The following CDC73 variants were observed in gnomAD, a reference collection of about 807,000 sequenced individuals.
CDC73 encodes parafibromin.
In CDC73, 21 loss-of-function variants were observed where a neutral mutation model predicts 83.7. That is an observed-to-expected ratio of 0.25 (90% CI 0.18 to 0.36). CDC73 has a LOEUF of 0.36. CDC73 is among the 10% of genes least tolerant of loss of function. The pLI, the probability that CDC73 is intolerant of heterozygous loss-of-function variation, is 1.00. For synonymous variants in CDC73, 224 were observed against 212.9 expected, an observed-to-expected ratio of 1.05 and a Z score of -0.45; for missense variants, 342 against 653.3, an observed-to-expected ratio of 0.52 and a Z score of 5.19.
chr1:193,241,211 G>A (rs1677852310), intron 15 of CDC73, among the ~76,000 whole-genome samples: 1 of 152,098 alleles, frequency 6.6e-6, no homozygotes, highest in Admixed American at 6.5e-5. Flanking sequence ...ATTTTGATTG[G>A]GTGGGGCACT....
chr1:193,153,961 A>C (rs1163067617), intron 10 of CDC73, among the ~76,000 whole-genome samples: 1 of 152,194 alleles, frequency 6.6e-6, no homozygotes, highest in African/African-American at 2.4e-5. Flanking sequence ...CAAGGAGGCC[A>C]GTGTTGCTAG....
chr1:193,209,907 T>G (rs1392388106), intron 11 of CDC73, among the ~76,000 whole-genome samples: 2 of 152,068 alleles, frequency 1.3e-5, no homozygotes, highest in African/African-American at 4.8e-5. Flanking sequence ...TCCATCTTTG[T>G]TTTTTTGTAG....
chr1:193,170,724 G>A (rs1487120700), intron 10 of CDC73, among the ~76,000 whole-genome samples: 1 of 152,102 alleles, frequency 6.6e-6, no homozygotes, highest in Non-Finnish European at 1.5e-5. Flanking sequence ...TATTTTGTTG[G>A]TTTTCTTTTT....
rs955328690 is a variant in CDC73, at chr1:193,251,478, G to T, written c.*766G>T. 8 of 231,926 alleles carry T rather than the reference G, an allele frequency of 3.4e-5. No homozygotes were observed. The highest frequency in any genetic ancestry group is 4.4e-5 in the African/African-American group (2 of 45,252). The allele number at this position is 231,926 out of a possible 1,614,324, so 14.4% of individuals were successfully genotyped here. A position where few individuals can be genotyped will look rare whatever the true frequency, so the allele number is the denominator to read the frequency against. The stretch of plus-strand genomic sequence containing the variant: ...GGAGCCAGAGTATGATTTGGGGGAA[G>T]AATATGTATCAGCCCTATTGCAGTA... On this transcript the variant is annotated 3_prime_UTR_variant, in exon 17 of 17. Transcript: ENST00000367435.
At chr1:193,209,358 C>T (rs1256431487) in intron 11 of CDC73, among the ~76,000 whole-genome samples, 2 of 152,128 alleles carry the variant, frequency 1.3e-5, no homozygotes, top group African/African-American at 4.8e-5. Flanking sequence ...TAATTAAGGA[C>T]TTTAGCATGC....
intron 3 of CDC73, among the ~76,000 whole-genome samples, chr1:193,133,921 T>A (rs1162278253): frequency 6.6e-6 from 1 of 151,254 alleles, no homozygotes; most frequent in Admixed American, 6.6e-5. Flanking sequence ...TTTTTTTTTT[T>A]AACCTGATAG....
rs1441603855 is a variant in CDC73, at chr1:193,123,226, GTATT to G, written c.131+909_131+912del. Among the ~76,000 whole-genome samples, 5 of 152,098 alleles carry G rather than the reference GTATT, an allele frequency of 3.3e-5. No individual in the cohort carries two copies. In the South Asian group the frequency reaches 6.2e-4, roughly 19 times the overall value. Reference sequence around the variant, plus strand: ...CTAGGGAAATTTAGTTTGTTGGTTGGTATTTATTTATTTATTTTTGAGAGGGAGT... The same window carrying G: ...CTAGGGAAATTTAGTTTGTTGGTTGGTATTTATTTATTTTTGAGAGGGAGT... On this transcript the variant is annotated intron_variant, in intron 1 of 16. Coordinates refer to ENST00000367435, the MANE Select transcript of CDC73 (RefSeq NM_024529.5).
Position 193,252,620 on chromosome 1 carries a change from G to A in CDC73, c.*1908G>A, listed in dbSNP as rs190426825. Reference sequence around the variant, plus strand: ...GGAACATTAGGAAAAGGACAAATAGGCTATAACCATCTATCTTAAAATCAG... The same window carrying A: ...GGAACATTAGGAAAAGGACAAATAGACTATAACCATCTATCTTAAAATCAG... On this transcript the variant is annotated 3_prime_UTR_variant, in exon 17 of 17. Coordinates refer to ENST00000367435, the MANE Select transcript of CDC73 (RefSeq NM_024529.5). 2.5e-3 allele frequency: 584 copies of A among 231,316 alleles called. 5 individuals are homozygous for A. The highest frequency in any genetic ancestry group is 0.012 in the African/African-American group (543 of 45,344). The allele number at this position is 231,316 out of a possible 1,614,324, so 14.3% of individuals were successfully genotyped here.
At chr1:193,236,401 T>C (rs778320092) in intron 15 of CDC73, 45 bp downstream of exon 15, 2 of 1,211,326 alleles carry the variant, frequency 1.7e-6, no homozygotes, top group Admixed American at 1.7e-5. Context: ...AGAAATGTTC[T>C]CACTTTATTT....
chr1:193,221,261 C>T lies in CDC73; in HGVS notation c.1154+8784C>T, dbSNP rs16835212. Among the ~76,000 whole-genome samples the T allele has an allele frequency of 4.0e-3, 603 of 152,130 alleles. 18 individuals carry two copies. The highest frequency in any genetic ancestry group is 0.03 in the Admixed American group (465 of 15,278). On this transcript the variant is annotated intron_variant, in intron 13 of 16. Transcript: ENST00000367435. ...TTTATGTATGTGTGTTTGTGCAACC[C>T]GTGAATTAATTTATTGCATTTATCT...
chr1:193,200,109 T>C (rs1353608027), intron 10 of CDC73, among the ~76,000 whole-genome samples: 1 of 149,948 alleles, frequency 6.7e-6, no homozygotes, highest in Non-Finnish European at 1.5e-5. Flanking sequence ...GGCATGGTGG[T>C]GCGTGCCTGG....
chr1:193,163,666 C>A (rs1026516139), intron 10 of CDC73, among the ~76,000 whole-genome samples: 2 of 152,050 alleles, frequency 1.3e-5, no homozygotes, highest in Non-Finnish European at 2.9e-5. Context: ...TTTGGGGCAC[C>A]TGTGATAGAC....
chr1:193,145,860 A>G (rs569938581), intron 7 of CDC73, among the ~76,000 whole-genome samples: 36 of 152,336 alleles, frequency 2.4e-4, no homozygotes, highest in Middle Eastern at 6.8e-3. Context: ...AAACTAGGCA[A>G]GTGCTAAACA....
chr1:193,181,755 A>G (rs1326215300), intron 10 of CDC73: 2 of 519,796 alleles, frequency 3.8e-6, no homozygotes, highest in Non-Finnish European at 6.7e-6. Context: ...ATCAGGGCAA[A>G]TAGGAATGTC....
intron 3 of CDC73, among the ~76,000 whole-genome samples, chr1:193,130,996 T>A (rs1407773600): frequency 6.6e-6 from 1 of 152,226 alleles, no homozygotes; most frequent in Non-Finnish European, 1.5e-5. Flanking sequence ...TTTTATCTTT[T>A]CTTTTAACCT....
At position 193,204,988 on chromosome 1, in the gene CDC73, A is replaced by T. The variant is rs201887565; in HGVS notation, c.1030+1136A>T. On this transcript the variant is annotated intron_variant, in intron 11 of 16. Coordinates refer to ENST00000367435, the MANE Select transcript of CDC73 (RefSeq NM_024529.5). The stretch of plus-strand genomic sequence containing the variant: ...CTAAAATTCTGTATCATTTTTTTTT[A>T]AAATGTGTTAAGCAAAGCTGGTATT... 1.1e-3 allele frequency among the ~76,000 whole-genome samples: 167 copies of T among 151,922 alleles called. 3 individuals carry two copies. In the East Asian group the frequency reaches 0.025, roughly 23 times the overall value.
rs1558282411 is a variant in CDC73, at chr1:193,135,520, TTC to T, written c.371-13_371-12del. The T allele has an allele frequency of 1.2e-6, 2 of 1,613,154 alleles. No homozygotes were observed. The highest frequency in any genetic ancestry group is 1.1e-5 in the South Asian group (1 of 91,060). On this transcript the variant is annotated splice_polypyrimidine_tract_variant and intron_variant, in intron 4 of 16. Coordinates refer to ENST00000367435, the MANE Select transcript of CDC73 (RefSeq NM_024529.5). The stretch of plus-strand genomic sequence containing the variant: ...ATTCCAAAACTACACATTTATTTAC[TTC>T]TCTTTCTTTTATAGTCAAACGAGCT...
At chr1:193,177,446 C>T (rs1027672342) in intron 10 of CDC73, among the ~76,000 whole-genome samples, 1 of 145,640 alleles carries the variant, frequency 6.9e-6, no homozygotes, top group Non-Finnish European at 1.5e-5. Context: ...AGGAGAATGG[C>T]GTGAACCCGG....
chr1:193,138,297 T>C (rs2103123944), intron 6 of CDC73, 124 bp downstream of exon 6: 1 of 741,872 alleles, frequency 1.3e-6, no homozygotes, highest in East Asian at 2.7e-5. Context: ...GCCTCTTTGC[T>C]CTTAAGTTCG....
Sources: gnomAD v4.1 joint callset for allele counts (sites outside exome capture counted in the v4.1 genomes callset) on GRCh38, gnomAD v4.1.1 for gene constraint, MANE v1.5 for transcripts, NCBI Gene and HGNC (gene_info 2026-07-23, HGNC 2026-07-21) for gene names.